The following DHX30 variants were observed in gnomAD, a reference collection of about 807,000 sequenced individuals.
DHX30 encodes ATP-dependent RNA helicase DHX30.
DHX30 carries 4 observed loss-of-function variants against 116.9 expected under a neutral mutation model. The ratio of observed to expected loss-of-function variants is 0.03; its 90% CI spans 0.02 to 0.08. The LOEUF is 0.08. Among genes scored for constraint, DHX30 ranks in the 10% least tolerant of loss-of-function variants. The pLI is 1.00. For synonymous variants in DHX30, 697 were observed against 651.7 expected (o/e 1.07, Z -1.06); for missense variants, 871 against 1,595.1 (o/e 0.55, Z 7.73).
intron 6 of DHX30, among the ~76,000 whole-genome samples, chr3:47,838,996 C>T (rs2037243037): frequency 6.6e-6 from 1 of 151,972 alleles, no homozygotes; most frequent in Non-Finnish European, 1.5e-5. Flanking sequence ...GCCTCAGCCT[C>T]CCAAGTCTCT....
Position 47,846,799 on chromosome 3 carries a change from A to C in DHX30, c.1727A>C (p.Lys576Thr). ...VNTDFLLILL[K>T]GLQRLNPALR... ...ACAGACTTTCTGCTGATCCTGCTCA[A>C]GGGCCTGCAGCGGCTCAACCCGGCC... is the stretch of plus-strand genomic sequence containing the variant. The change falls in exon 11 of 22, where the codon AAG becomes ACG. Residue 576 changes from lysine to threonine, a missense_variant. This residue lies in a region of DHX30 where 22 missense variants were observed against 18.8 expected (regional missense o/e 1.17). Transcript: ENST00000445061. The C allele has an allele frequency of 6.2e-7, 1 of 1,613,588 alleles. No homozygotes were observed. Among genetic ancestry groups the C allele is most frequent in the Admixed American group, 1.7e-5 (1 of 59,972 alleles).
At position 47,840,978 on chromosome 3, in the gene DHX30, G is replaced by A. The variant is rs369152317; in HGVS notation, c.468G>A (p.Pro156=). The change falls in exon 7 of 22, where the codon CCG becomes CCA. Residue 156 remains proline, a synonymous_variant. Coordinates refer to ENST00000445061, the MANE Select transcript of DHX30 (RefSeq NM_138615.3). Reference sequence around the variant, plus strand: ...CCCCTGCCGACAGCTGGTGGCGTCCGGAACCCACCATGCCCCCTACTTCCT... The same window carrying A: ...CCCCTGCCGACAGCTGGTGGCGTCCAGAACCCACCATGCCCCCTACTTCCT... ...FGSPADSWWR[P]EPTMPPTSWR... is the part of the protein sequence containing the mutation. The A allele has an allele frequency of 8.1e-6, 13 of 1,614,068 alleles. No individual in the cohort carries two copies. The highest frequency in any genetic ancestry group is 4.0e-5 in the African/African-American group (3 of 74,922).
chr3:47,825,143 T>C (rs1218870907), intron 4 of DHX30: 1 of 673,630 alleles, frequency 1.5e-6, no homozygotes, highest in Non-Finnish European at 2.7e-6. Flanking sequence ...TCGCGCGGCT[T>C]CTCTTCAAGC....
At chr3:47,836,600 C>T (rs182859749) in intron 6 of DHX30, among the ~76,000 whole-genome samples, 51 of 150,926 alleles carry the variant, frequency 3.4e-4, no homozygotes, top group Non-Finnish European at 5.0e-4. Flanking sequence ...CTCACTGCAA[C>T]GTTCACGTCC....
rs777318881 is a variant in DHX30 at position 47,847,033 on chromosome 3, C to T, written c.1929+32C>T. On this transcript the variant is annotated intron_variant, in intron 11 of 21. Transcript: ENST00000445061. The surrounding 1 kb of genome is among the most constrained non-coding windows in gnomAD (Gnocchi z 5.5). ...GACACCCCCATCCCACCCAAGGCTC[C>T]TGGCCTTTCCTCCGTGGATGCCCCT... 1 of 1,586,552 alleles carries T rather than the reference C, an allele frequency of 6.3e-7. No homozygotes were observed. Among genetic ancestry groups the T allele is most frequent in the East Asian group, 2.2e-5 (1 of 44,506 alleles).
chr3:47,820,334 C>T (rs899438584), intron 4 of DHX30, among the ~76,000 whole-genome samples: 10 of 151,736 alleles, frequency 6.6e-5, no homozygotes, highest in Non-Finnish European at 1.0e-4. Context: ...AAGAGACCTG[C>T]GGCTTATGTG....
intron 3 of DHX30, among the ~76,000 whole-genome samples, chr3:47,810,931 T>C (rs897277055): frequency 2.0e-5 from 3 of 152,106 alleles, no homozygotes; most frequent in Non-Finnish European, 2.9e-5. Flanking sequence ...CCCTTCTGCG[T>C]ACTCCCTGCT....
At chr3:47,836,393 C>T (rs575074910) in intron 6 of DHX30, among the ~76,000 whole-genome samples, 1 of 152,284 alleles carries the variant, frequency 6.6e-6, no homozygotes, top group African/African-American at 2.4e-5. Context: ...CTGCCTCCGC[C>T]TCCCAAAGTG....
intron 2 of DHX30, among the ~76,000 whole-genome samples, chr3:47,806,602 C>T (rs1245501077): frequency 1.3e-5 from 2 of 151,876 alleles, no homozygotes; most frequent in South Asian, 2.1e-4. Context: ...TGCACCACCA[C>T]GCCTGGCTAA....
In DHX30 at chr3:47,848,665, C is replaced by T; in HGVS notation, c.2617C>T (p.Arg873Cys). Reference protein sequence around the residue: ...QREYLTTLGQRLAHISTDPRL... With the variant: ...QREYLTTLGQCLAHISTDPRL... ...GGAGTACCTGACTACCCTGGGGCAG[C>T]GCCTGGCTCACATCTCCACCGACCC... Residue 873 changes from arginine to cysteine, a missense_variant, in exon 17 of 22, where the codon CGC becomes TGC. Around this residue, in one of 13 missense-constraint regions of DHX30, gnomAD observed 238 missense variants for 481.0 expected, o/e 0.49. Coordinates refer to ENST00000445061, the MANE Select transcript of DHX30 (RefSeq NM_138615.3). This position sits in a 1 kb window ranked among gnomAD's most constrained non-coding sequence, Gnocchi z 9.4. 1 of 1,614,054 alleles carries T rather than the reference C, an allele frequency of 6.2e-7. No homozygotes were observed. Among genetic ancestry groups the T allele is most frequent in the Non-Finnish European group, 8.5e-7 (1 of 1,179,988 alleles).
At chr3:47,833,971 T>G (rs1215451803) in intron 6 of DHX30, among the ~76,000 whole-genome samples, 2 of 152,234 alleles carry the variant, frequency 1.3e-5, no homozygotes, top group African/African-American at 2.4e-5. Flanking sequence ...TTCTTATATA[T>G]ATGTAACTTT....
intron 4 of DHX30, among the ~76,000 whole-genome samples, chr3:47,826,819 T>C (rs967615538): frequency 1.3e-5 from 2 of 152,212 alleles, no homozygotes; most frequent in African/African-American, 4.8e-5. Flanking sequence ...GCAGTGTGCT[T>C]AGATACGGTT....
Position 47,827,423 on chromosome 3 carries a change from C to T in DHX30, c.201C>T (p.Ile67=). Reference sequence around the variant, plus strand: ...GTGTGATTGGAAGAGCCCTCGGCATCTCACATGCAAAAGACAAACTAGTCT... The same window carrying T: ...GTGTGATTGGAAGAGCCCTCGGCATTTCACATGCAAAAGACAAACTAGTCT... ...LNSVIGRALG[I]SHAKDKLVYV... is the part of the protein sequence containing the mutation. The change falls in exon 5 of 22, where the codon ATC becomes ATT. Residue 67 remains isoleucine, a synonymous_variant. Transcript: ENST00000445061. 6.2e-7 allele frequency: 1 copy of T among 1,614,088 alleles called. No individual in the cohort carries two copies. The highest frequency in any genetic ancestry group is 8.5e-7 in the Non-Finnish European group (1 of 1,179,972).
At position 47,847,015 on chromosome 3, in the gene DHX30, C is replaced by A; in HGVS notation, c.1929+14C>A. The stretch of plus-strand genomic sequence containing the variant: ...CGGCACCATGAGGTGAGGGACACCC[C>A]CATCCCACCCAAGGCTCCTGGCCTT... On this transcript the variant is annotated intron_variant, in intron 11 of 21. Transcript: ENST00000445061. The surrounding 1 kb of genome is among the most constrained non-coding windows in gnomAD (Gnocchi z 5.5). 1.2e-6 allele frequency: 2 copies of A among 1,600,520 alleles called. No individual in the cohort carries two copies. The highest frequency in any genetic ancestry group is 1.1e-5 in the South Asian group (1 of 89,942).
At position 47,847,075 on chromosome 3, in the gene DHX30, G is replaced by A. The variant is rs2037642268; in HGVS notation, c.1929+74G>A. The A allele has an allele frequency of 6.5e-7, 1 of 1,550,020 alleles. No individual in the cohort carries two copies. The highest frequency in any genetic ancestry group is 1.2e-5 in the South Asian group (1 of 82,758). On this transcript the variant is annotated intron_variant, in intron 11 of 21. Transcript: ENST00000445061. The surrounding 1 kb of genome is among the most constrained non-coding windows in gnomAD (Gnocchi z 5.5). ...GATGCCCCTCCTCCCTGGCCCTGGGGCTTGGTGCCTGGGGCAAGTTACCCT... is the reference window on the plus strand; with the variant it reads ...GATGCCCCTCCTCCCTGGCCCTGGGACTTGGTGCCTGGGGCAAGTTACCCT...
chr3:47,819,370 A>G, intron 4 of DHX30: 1 of 1,046,208 alleles, frequency 9.6e-7, no homozygotes. Flanking sequence ...GCACACGCGG[A>G]GGAGAACACT....
chr3:47,828,990 G>A, intron 5 of DHX30, 34 bp from the exon 6 acceptor site: 2 of 1,401,340 alleles, frequency 1.4e-6, no homozygotes, highest in South Asian at 1.2e-5. Flanking sequence ...GTCTGGAGTG[G>A]CAAGACTTCT....
At position 47,829,406 on chromosome 3, in the gene DHX30, C is replaced by A. The variant is rs575831019; in HGVS notation, c.366+272C>A. The stretch of plus-strand genomic sequence containing the variant: ...TTGCCCAGGCTGGAGTGCAGTGATG[C>A]GATCTTGGCTCACTGCAACCTCCAC... On this transcript the variant is annotated intron_variant, in intron 6 of 21. Coordinates refer to ENST00000445061, the MANE Select transcript of DHX30 (RefSeq NM_138615.3). 5.7e-5 allele frequency among the ~76,000 whole-genome samples: 8 copies of A among 139,264 alleles called. No homozygotes were observed. The Admixed American group carries it at 6.3e-4, about 11-fold the overall frequency. The allele number at this position is 139,264 out of a possible 152,430, so 91.4% of individuals were successfully genotyped here.
intron 2 of DHX30, among the ~76,000 whole-genome samples, chr3:47,805,919 TATTTC>T (rs1306823641): frequency 6.6e-6 from 1 of 152,216 alleles, no homozygotes; most frequent in African/African-American, 2.4e-5. Context: ...AGTTAAATTG[TATTTC>T]ATTATGCAGG....
Sources: allele counts gnomAD v4.1 joint callset (sites outside exome capture counted in the v4.1 genomes callset), GRCh38; gene constraint gnomAD v4.1.1; regional missense constraint gnomAD v4.1.1; non-coding constraint Gnocchi (gnomAD v3.1); transcripts MANE v1.5; gene names NCBI Gene and HGNC (gene_info 2026-07-23, HGNC 2026-07-21).